ZNF276: variants seen among roughly 807,000 people sequenced by gnomAD.
ZNF276 encodes centromere protein Z.
ZNF276 carries 59 observed loss-of-function variants against 63.9 expected under a neutral mutation model. That is an observed-to-expected ratio of 0.92 (90% CI 0.75 to 1.15). ZNF276 has a LOEUF of 1.15. ZNF276 is among the 50% of genes most tolerant of loss of function. The probability of loss-of-function intolerance (pLI) is 0.00; values close to 1 mark genes in which losing one functional copy is unlikely to be tolerated. For synonymous variants in ZNF276, 496 were observed against 348.4 expected (o/e 1.42, Z -4.72); for missense variants, 1,084 against 843.8 (o/e 1.28, Z -3.53).
intron 2 of ZNF276, 65 bp from the exon 3 acceptor site, chr16:89,723,072 C>T (rs1265357693): frequency 5.0e-6 from 8 of 1,611,894 alleles, no homozygotes; most frequent in African/African-American, 2.7e-5. Context: ...GAGAGGGTCC[C>T]GTACGACGAG....
Position 89,739,399 on chromosome 16 carries a change from TCTGGCGGGACCCAGAG to T in ZNF276, c.*1154_*1169del. 6.4e-7 allele frequency: 1 copy of T among 1,569,826 alleles called. No homozygotes were observed. The highest frequency in any genetic ancestry group is 8.7e-7 in the Non-Finnish European group (1 of 1,154,310). ...GCAGAGGCACAGACAACCCTTCCCA[TCTGGCGGGACCCAGAG>T]GTGCTGAGATGGGGGTCTGGGAAAC... On this transcript the variant is annotated 3_prime_UTR_variant, in exon 11 of 11. Coordinates refer to ENST00000443381, the MANE Select transcript of ZNF276 (RefSeq NM_001113525.2).
Position 89,739,067 on chromosome 16 carries a change from C to T in ZNF276, c.*821C>T, listed in dbSNP as rs766314322. The stretch of plus-strand genomic sequence containing the variant: ...AGTCTGCATGCTGTGCCGGAACATT[C>T]TTTGGCAGAAGGAGCCTCCGGCTGG... On this transcript the variant is annotated 3_prime_UTR_variant, in exon 11 of 11. Transcript: ENST00000443381. 10 of 1,613,846 alleles carry T rather than the reference C, an allele frequency of 6.2e-6. No homozygotes were observed. The African/African-American group carries it at 1.2e-4, about 19-fold the overall frequency.
rs1471026348 is a variant in ZNF276 at position 89,739,494 on chromosome 16, G to A, written c.*1248G>A. 3 of 1,551,116 alleles carry A rather than the reference G, an allele frequency of 1.9e-6. No individual in the cohort carries two copies. In the East Asian group the frequency reaches 7.3e-5, roughly 38 times the overall value. ...TGGAGGTACCTGTAAAAAGCGAAAGGCAGCAGCCTGGTGTGCTGATCCGGG... is the reference window on the plus strand; with the variant it reads ...TGGAGGTACCTGTAAAAAGCGAAAGACAGCAGCCTGGTGTGCTGATCCGGG... On this transcript the variant is annotated 3_prime_UTR_variant, in exon 11 of 11. Transcript: ENST00000443381.
chr16:89,733,285 G>C lies in ZNF276; in HGVS notation c.1170-17G>C. 1 of 1,605,122 alleles carries C rather than the reference G, an allele frequency of 6.2e-7. No individual in the cohort carries two copies. The highest frequency in any genetic ancestry group is 1.1e-5 in the South Asian group (1 of 90,472). On this transcript the variant is annotated splice_polypyrimidine_tract_variant and intron_variant, in intron 6 of 10. Coordinates refer to ENST00000443381, the MANE Select transcript of ZNF276 (RefSeq NM_001113525.2). ...GGAGATCAGAAACCATTGAATTTGG[G>C]AACCTCTTTTTTTCAGAGTCTCTGG...
At chr16:89,721,922 G>T (rs1419056251) in intron 1 of ZNF276, 77 bp downstream of exon 1, 2 of 1,040,688 alleles carry the variant, frequency 1.9e-6, no homozygotes, top group Non-Finnish European at 2.4e-6. Context: ...CTGACGCCCG[G>T]AAGCCGGCGC....
intron 9 of ZNF276, among the ~76,000 whole-genome samples, chr16:89,734,628 T>TATC (rs35030720): frequency 1.4e-5 from 2 of 139,256 alleles, no homozygotes; most frequent in South Asian, 2.5e-4. Context: ...CAAACAAGTG[T>TATC]ATCTTAAAAG....
chr16:89,736,348 C>T (rs1259469153), intron 9 of ZNF276, among the ~76,000 whole-genome samples: 8 of 133,944 alleles, frequency 6.0e-5, no homozygotes, highest in Non-Finnish European at 9.7e-5. Flanking sequence ...TTTTTTTTTC[C>T]GGGACAGTCT....
chr16:89,734,609 C>T (rs1247617454), intron 9 of ZNF276, among the ~76,000 whole-genome samples: 1 of 151,780 alleles, frequency 6.6e-6, no homozygotes, highest in African/African-American at 2.4e-5. Flanking sequence ...GTGAGCACTG[C>T]ACCTGGCCCA....
chr16:89,734,301 T>G (rs1402650800), intron 9 of ZNF276, among the ~76,000 whole-genome samples: 1 of 149,828 alleles, frequency 6.7e-6, no homozygotes. Context: ...GCAATCTTGG[T>G]GTCCTTTTGC....
At chr16:89,720,682 G>C (rs972556046), upstream of ZNF276, 9 of 1,289,332 alleles carry the variant, frequency 7.0e-6, no homozygotes, top group African/African-American at 4.7e-5. Flanking sequence ...GCCCGAGCCG[G>C]CCCCGTCCTC....
chr16:89,720,777 C>A, upstream of ZNF276: 1 of 1,455,146 alleles, frequency 6.9e-7, no homozygotes, highest in South Asian at 1.3e-5. Context: ...GGCCGGTTGC[C>A]GGTGTCCAGC....
Position 89,738,376 on chromosome 16 carries a change from G to T in ZNF276, c.*130G>T. 1.4e-6 allele frequency: 2 copies of T among 1,425,938 alleles called. No homozygotes were observed. The allele number at this position is 1,425,938 out of a possible 1,614,324, so 88.3% of individuals were successfully genotyped here. A position where few individuals can be genotyped will look rare whatever the true frequency, so the allele number is the denominator to read the frequency against. ...CGCCCTTGGTGCTGGAGGCGGGCTT[G>T]GTGTCCGGCTCAAGTAGCCTTCCTC... is the stretch of plus-strand genomic sequence containing the variant. On this transcript the variant is annotated 3_prime_UTR_variant, in exon 11 of 11. Transcript: ENST00000443381.
chr16:89,722,967 A>C (rs2061348417), intron 2 of ZNF276, 133 bp downstream of exon 2: 1 of 1,561,256 alleles, frequency 6.4e-7, no homozygotes, highest in Non-Finnish European at 8.7e-7. Flanking sequence ...GTTCAGTGCC[A>C]ACAGCCCTGG....
intron 4 of ZNF276, among the ~76,000 whole-genome samples, chr16:89,724,945 T>C (rs546000806): frequency 1.3e-5 from 2 of 152,374 alleles, no homozygotes; most frequent in South Asian, 4.1e-4. Flanking sequence ...TCTATCTATC[T>C]ATGTGTTTAT....
At position 89,721,618 on chromosome 16, in the gene ZNF276, T is replaced by G; in HGVS notation, c.-23T>G. ...CTCGGGCCGGGCAGCACCCGCGGGATTCTGCTGGCGTCCTCCGCTGCCATG... is the reference window on the plus strand; with the variant it reads ...CTCGGGCCGGGCAGCACCCGCGGGAGTCTGCTGGCGTCCTCCGCTGCCATG... On this transcript the variant is annotated 5_prime_UTR_variant, in exon 1 of 11. Coordinates refer to ENST00000443381, the MANE Select transcript of ZNF276 (RefSeq NM_001113525.2). 1.4e-6 allele frequency: 2 copies of G among 1,474,722 alleles called. No individual in the cohort carries two copies. Among genetic ancestry groups the G allele is most frequent in the South Asian group, 1.3e-5 (1 of 78,680 alleles). The allele number at this position is 1,474,722 out of a possible 1,614,324, so 91.4% of individuals were successfully genotyped here. A position where few individuals can be genotyped will look rare whatever the true frequency, so the allele number is the denominator to read the frequency against.
chr16:89,735,170 C>T (rs2035745568), intron 9 of ZNF276, among the ~76,000 whole-genome samples: 2 of 151,914 alleles, frequency 1.3e-5, no homozygotes, highest in Non-Finnish European at 2.9e-5. Context: ...CCCACATATC[C>T]ATGGTCAGGG....
Position 89,733,838 on chromosome 16 carries a change from G to A in ZNF276, c.1357-83G>A, listed in dbSNP as rs558456381. On this transcript the variant is annotated intron_variant, in intron 8 of 10. Transcript: ENST00000443381. ...GGAGGAGTTGGATCTGCCTTCCAGG[G>A]GCCTCAGCTGTCACCTACTGAGGGC... 24 of 1,294,630 alleles carry A rather than the reference G, an allele frequency of 1.9e-5. No individual in the cohort carries two copies. The South Asian group carries it at 2.8e-4, about 15-fold the overall frequency. The allele number at this position is 1,294,630 out of a possible 1,614,324, so 80.2% of individuals were successfully genotyped here. A position where few individuals can be genotyped will look rare whatever the true frequency, so the allele number is the denominator to read the frequency against.
intron 7 of ZNF276, 23 bp from the exon 8 acceptor site, chr16:89,733,459 T>G (rs2061742535): frequency 1.2e-6 from 2 of 1,614,132 alleles, no homozygotes; most frequent in Non-Finnish European, 1.7e-6. Context: ...GGGCCGGGGC[T>G]CCATGCATGC....
intron 1 of ZNF276, 34 bp downstream of exon 1, chr16:89,721,879 T>A (rs1056548928): frequency 1.3e-5 from 16 of 1,187,018 alleles, no homozygotes; most frequent in Middle Eastern, 3.3e-4. Context: ...CGGGTTGGGG[T>A]CGCGGCAGGG....
Sources: gnomAD v4.1 joint callset for allele counts (sites outside exome capture counted in the v4.1 genomes callset) on GRCh38, gnomAD v4.1.1 for gene constraint, MANE v1.5 for transcripts, NCBI Gene and HGNC (gene_info 2026-07-23, HGNC 2026-07-21) for gene names.